The following SYBU variants were observed in gnomAD, a reference collection of about 807,000 sequenced individuals.
SYBU encodes GOLSYN A protein.
In SYBU, 21 loss-of-function variants were observed where a neutral mutation model predicts 35.9. That is an observed-to-expected ratio of 0.58 (90% CI 0.41 to 0.84). The LOEUF (loss-of-function observed/expected upper bound fraction) is 0.84, where lower values mean the gene tolerates loss of function less well. Among genes scored for constraint, SYBU ranks in the 40% least tolerant of loss-of-function variants. SYBU has a pLI of 0.00. For synonymous variants in SYBU, 319 were observed against 324.3 expected, an observed-to-expected ratio of 0.98 and a Z score of 0.18; for missense variants, 768 against 848.2, an observed-to-expected ratio of 0.91 and a Z score of 1.17.
upstream of SYBU, among the ~76,000 whole-genome samples, chr8:109,681,865 G>C (rs1213177895): frequency 1.3e-5 from 2 of 152,136 alleles, no homozygotes; most frequent in African/African-American, 2.4e-5. Context: ...CATGGTGTCT[G>C]TTACCTCCAT....
chr8:109,689,434 T>A (rs1185826850), intron 1 of SYBU, among the ~76,000 whole-genome samples: 2 of 152,204 alleles, frequency 1.3e-5, no homozygotes, highest in South Asian at 4.1e-4. Flanking sequence ...GCAATCCTCC[T>A]GCTTCAGCCT....
At chr8:109,684,042 T>C (rs1449296786), upstream of SYBU, among the ~76,000 whole-genome samples, 1 of 152,232 alleles carries the variant, frequency 6.6e-6, no homozygotes, top group East Asian at 1.9e-4. Context: ...CAGATATGTC[T>C]TTATTACTAG....
intron 3 of SYBU, among the ~76,000 whole-genome samples, chr8:109,596,954 T>C (rs572357746): frequency 6.6e-6 from 1 of 152,320 alleles, no homozygotes. Flanking sequence ...TTCCTATCAT[T>C]ATGAATAATT....
upstream of SYBU, among the ~76,000 whole-genome samples, chr8:109,648,275 A>AATAATATATATATAAT (rs1554625563): frequency 1.8e-3 from 266 of 144,982 alleles, no homozygotes; most frequent in African/African-American, 6.5e-3. Context: ...ATATATATAT[A>AATAATATATATATAAT]ATATATATAT....
At chr8:109,612,555 G>A (rs1467528689) in intron 3 of SYBU, among the ~76,000 whole-genome samples, 1 of 152,072 alleles carries the variant, frequency 6.6e-6, no homozygotes, top group African/African-American at 2.4e-5. Flanking sequence ...TAAAATGCTT[G>A]GCACATTTTT....
rs577708451 is a variant in SYBU at position 109,579,009 on chromosome 8, C to T, written c.734+790G>A. Among the ~76,000 whole-genome samples the T allele has an allele frequency of 3.3e-5, 5 of 152,262 alleles. No individual in the cohort carries two copies. The South Asian group carries it at 1.0e-3, about 32-fold the overall frequency. ...TGCTGGAATCTTGGCCCCTCTCAGG[C>T]CTGGCTGGGAGCTGGGAATCCCTGC... is the stretch of plus-strand genomic sequence containing the variant. On this transcript the variant is annotated intron_variant, in intron 5 of 6. Coordinates refer to ENST00000276646, the MANE Select transcript of SYBU (RefSeq NM_001099754.2).
chr8:109,580,580 A>C (rs553759772), intron 4 of SYBU: 2 of 153,544 alleles, frequency 1.3e-5, no homozygotes, highest in South Asian at 4.1e-4. Context: ...CAGTGACTTA[A>C]GACAACCTTT....
At chr8:109,634,696 G>A (rs55913307) in intron 2 of SYBU, among the ~76,000 whole-genome samples, 12,429 of 152,200 alleles carry the variant, frequency 0.082, 665 homozygotes, top group South Asian at 0.23. Context: ...CCAGCACTTT[G>A]GGAGGCCAAA....
At chr8:109,674,577 AC>A (rs1817115441) in intron 1 of SYBU, among the ~76,000 whole-genome samples, 1 of 152,172 alleles carries the variant, frequency 6.6e-6, no homozygotes, top group Non-Finnish European at 1.5e-5. Context: ...CACTATAAAA[AC>A]ATACCAAATT....
intron 1 of SYBU, among the ~76,000 whole-genome samples, chr8:109,675,348 G>A (rs547406966): frequency 1.8e-4 from 27 of 152,198 alleles, no homozygotes; most frequent in Admixed American, 9.2e-4. Flanking sequence ...AATGAATTCC[G>A]GAGCTGGTTT....
chr8:109,671,688 G>T (rs1586986330), intron 1 of SYBU, among the ~76,000 whole-genome samples: 1 of 152,016 alleles, frequency 6.6e-6, no homozygotes. Context: ...ATTTTGGTAG[G>T]GTTCATATCA....
rs142389715 is a variant in SYBU, at chr8:109,601,436, G to A, written c.428-15274C>T. Among the ~76,000 whole-genome samples the A allele has an allele frequency of 4.2e-4, 64 of 152,322 alleles. No individual in the cohort carries two copies. In the East Asian group the frequency reaches 0.01, roughly 24 times the overall value. On this transcript the variant is annotated intron_variant, in intron 3 of 6. Transcript: ENST00000276646. Reference sequence around the variant, plus strand: ...CACTTCCTAGGCTAAGGCACTGGATGGGGGAGGCATGGAGAAACAGTTCCA... The same window carrying A: ...CACTTCCTAGGCTAAGGCACTGGATAGGGGAGGCATGGAGAAACAGTTCCA...
At chr8:109,586,600 A>C (rs1823649724) in intron 3 of SYBU, 1 of 155,524 alleles carries the variant, frequency 6.4e-6, no homozygotes, top group African/African-American at 2.4e-5. Flanking sequence ...CTCATACTTC[A>C]ATTTGGCAAG....
chr8:109,677,471 A>G (rs928315015), intron 1 of SYBU, among the ~76,000 whole-genome samples: 4 of 152,226 alleles, frequency 2.6e-5, no homozygotes, highest in Non-Finnish European at 5.9e-5. Flanking sequence ...GTTCCAGGCA[A>G]AGGTTTGAAT....
At chr8:109,610,110 G>A (rs1165233997) in intron 3 of SYBU, among the ~76,000 whole-genome samples, 1 of 151,902 alleles carries the variant, frequency 6.6e-6, no homozygotes, top group African/African-American at 2.4e-5. Context: ...CCCTCCTTAA[G>A]CACGGAACAA....
chr8:109,630,860 G>C (rs1456321806), intron 2 of SYBU, among the ~76,000 whole-genome samples: 1 of 152,202 alleles, frequency 6.6e-6, no homozygotes, highest in Non-Finnish European at 1.5e-5. Flanking sequence ...GACATTGAAA[G>C]ACACAGGCCT....
intron 1 of SYBU, 151 bp downstream of exon 1, chr8:109,644,485 G>A (rs1285880255): frequency 5.7e-6 from 5 of 874,866 alleles, no homozygotes; most frequent in Non-Finnish European, 8.8e-6. Context: ...CCTAAGCAAT[G>A]CCTCCTGCCT....
chr8:109,583,975 ATTTT>A (rs375357215), intron 4 of SYBU, among the ~76,000 whole-genome samples: 1 of 144,560 alleles, frequency 6.9e-6, no homozygotes, highest in African/African-American at 2.5e-5. Context: ...TGCCCGGCTA[ATTTT>A]TTTTTTTTTT....
chr8:109,644,998 A>C, upstream of SYBU: 2 of 461,790 alleles, frequency 4.3e-6, no homozygotes, highest in Non-Finnish European at 8.1e-6. Flanking sequence ...GCGCCCCCCC[A>C]GCCAGAGCCG....
Sources: gnomAD v4.1 joint callset for allele counts (sites outside exome capture counted in the v4.1 genomes callset) on GRCh38, gnomAD v4.1.1 for gene constraint, MANE v1.5 for transcripts, NCBI Gene and HGNC (gene_info 2026-07-23, HGNC 2026-07-21) for gene names.